PPP1R9A: variants seen among roughly 807,000 people sequenced by gnomAD.
PPP1R9A encodes neurabin-1.
Under a neutral mutation model 141.9 loss-of-function variants are expected in PPP1R9A, and 59 were observed. The ratio of observed to expected loss-of-function variants is 0.42; its 90% CI spans 0.34 to 0.52. The LOEUF (loss-of-function observed/expected upper bound fraction) is 0.52. Ranked by LOEUF, PPP1R9A falls within the 20% of genes least tolerant of loss-of-function variation. The probability of loss-of-function intolerance (pLI) is 0.10; values close to 1 mark genes in which losing one functional copy is unlikely to be tolerated. For synonymous variants in PPP1R9A, 500 were observed against 569.7 expected (o/e 0.88, Z 1.74); for missense variants, 1,444 against 1,611.9 (o/e 0.90, Z 1.78).
chr7:95,275,029 G>T (rs903625735), intron 16 of PPP1R9A, among the ~76,000 whole-genome samples: 1 of 152,146 alleles, frequency 6.6e-6, no homozygotes, highest in African/African-American at 2.4e-5. Context: ...ATAACAATTT[G>T]CTGCTATTGC....
intron 7 of PPP1R9A, among the ~76,000 whole-genome samples, chr7:95,214,823 T>A (rs1180879774): frequency 6.6e-6 from 1 of 152,172 alleles, no homozygotes; most frequent in African/African-American, 2.4e-5. Flanking sequence ...AGAATAATTT[T>A]TCAGCAATAT....
intron 2 of PPP1R9A, among the ~76,000 whole-genome samples, chr7:94,985,275 G>T (rs769546779): frequency 2.6e-5 from 4 of 152,188 alleles, no homozygotes; most frequent in Non-Finnish European, 4.4e-5. Flanking sequence ...AGTGCAATGT[G>T]ATGCTGAGAA....
chr7:95,131,057 G>A (rs10237987), intron 4 of PPP1R9A, among the ~76,000 whole-genome samples: 1,753 of 152,268 alleles, frequency 0.012, 30 homozygotes, highest in African/African-American at 0.041. Context: ...TGAAATGTCA[G>A]GACATGTGAT....
intron 4 of PPP1R9A, among the ~76,000 whole-genome samples, chr7:95,147,760 GT>G (rs1827905635): frequency 6.6e-6 from 1 of 152,156 alleles, no homozygotes; most frequent in Non-Finnish European, 1.5e-5. Context: ...TAATCATGTG[GT>G]TTTTGTCATT....
At chr7:94,977,908 A>G (rs854725) in intron 2 of PPP1R9A, among the ~76,000 whole-genome samples, 91,927 of 151,652 alleles carry the variant, frequency 0.61, 28,767 homozygotes, top group African/African-American at 0.74. Flanking sequence ...GACTACAGGC[A>G]CGTGCCACCA....
chr7:95,130,980 G>A (rs1044652635), intron 4 of PPP1R9A, among the ~76,000 whole-genome samples: 13 of 152,126 alleles, frequency 8.5e-5, no homozygotes, highest in Admixed American at 3.3e-4. Flanking sequence ...GTTGAACTGT[G>A]GACTTTTGAG....
intron 2 of PPP1R9A, among the ~76,000 whole-genome samples, chr7:95,090,821 G>GA (rs1237760463): frequency 2.0e-5 from 3 of 151,760 alleles, no homozygotes; most frequent in South Asian, 4.2e-4. Flanking sequence ...AAAAGAAAAA[G>GA]AAAAAAATCA....
chr7:95,233,431 G>T (rs1367390153), intron 8 of PPP1R9A, among the ~76,000 whole-genome samples: 1 of 151,970 alleles, frequency 6.6e-6, no homozygotes, highest in African/African-American at 2.4e-5. Flanking sequence ...TGGGTTGATG[G>T]GTGCAGCAGC....
chr7:95,063,107 T>G (rs1461769074), intron 2 of PPP1R9A, among the ~76,000 whole-genome samples: 1 of 152,200 alleles, frequency 6.6e-6, no homozygotes, highest in Non-Finnish European at 1.5e-5. Flanking sequence ...GGCAGGGAAT[T>G]GGTGGGCTGT....
At chr7:95,069,366 A>C (rs951742403) in intron 2 of PPP1R9A, among the ~76,000 whole-genome samples, 1 of 152,122 alleles carries the variant, frequency 6.6e-6, no homozygotes, top group Non-Finnish European at 1.5e-5. Context: ...AAAAATATTA[A>C]TACTAGTAAA....
At chr7:95,165,754 T>C (rs1215938956) in intron 5 of PPP1R9A, among the ~76,000 whole-genome samples, 3 of 152,102 alleles carry the variant, frequency 2.0e-5, no homozygotes, top group African/African-American at 2.4e-5. Context: ...GAGGAGAGTA[T>C]TAGTAAAAGC....
At position 95,086,881 on chromosome 7, in the gene PPP1R9A, G is replaced by C. The variant is rs368446224; in HGVS notation, c.1396-24378G>C. Among the ~76,000 whole-genome samples, 62 of 151,998 alleles carry C rather than the reference G, an allele frequency of 4.1e-4. No individual in the cohort carries two copies. The South Asian group carries it at 0.013, about 32-fold the overall frequency. On this transcript the variant is annotated intron_variant, in intron 2 of 19. Coordinates refer to ENST00000433360, the MANE Select transcript of PPP1R9A (RefSeq NM_001166160.2). ...TGAAATTCATGAAAATGCTATTTTG[G>C]TTCAGAAAAGAGAGTTTAGGTCGGG...
chr7:95,032,582 T>C (rs1383481483), intron 2 of PPP1R9A, among the ~76,000 whole-genome samples: 1 of 152,136 alleles, frequency 6.6e-6, no homozygotes, highest in East Asian at 1.9e-4. Flanking sequence ...CAATATATCT[T>C]ATTATATTCT....
chr7:95,274,226 C>A, intron 16 of PPP1R9A, 58 bp downstream of exon 16: 1 of 1,414,132 alleles, frequency 7.1e-7, no homozygotes, highest in Non-Finnish European at 9.5e-7. Flanking sequence ...CTGGCCCCCT[C>A]TTCTATTGTT....
At chr7:95,152,284 A>C (rs534571585) in intron 4 of PPP1R9A, among the ~76,000 whole-genome samples, 1 of 152,250 alleles carries the variant, frequency 6.6e-6, no homozygotes, top group Admixed American at 6.5e-5. Flanking sequence ...TAATCTCTTA[A>C]AATCCCTTAA....
At chr7:95,183,797 G>T (rs1321583383) in intron 5 of PPP1R9A, among the ~76,000 whole-genome samples, 1 of 151,774 alleles carries the variant, frequency 6.6e-6, no homozygotes, top group Non-Finnish European at 1.5e-5. Context: ...TCATTTCAAA[G>T]AACTAATGCC....
intron 4 of PPP1R9A, 103 bp downstream of exon 4, chr7:95,120,935 T>C (rs2152485494): frequency 1.4e-6 from 2 of 1,428,606 alleles, no homozygotes; most frequent in Non-Finnish European, 9.5e-7. Flanking sequence ...TTTTTTAGGA[T>C]AGAATTTCAG....
At chr7:95,231,294 G>A (rs956159046) in intron 8 of PPP1R9A, among the ~76,000 whole-genome samples, 1 of 152,144 alleles carries the variant, frequency 6.6e-6, no homozygotes, top group Non-Finnish European at 1.5e-5. Context: ...CACAATAATA[G>A]TGGGGGACTT....
chr7:95,083,129 G>T (rs1477496787), intron 2 of PPP1R9A, among the ~76,000 whole-genome samples: 1 of 151,876 alleles, frequency 6.6e-6, no homozygotes, highest in Admixed American at 6.6e-5. Flanking sequence ...CAAGAGAAAA[G>T]CATATATATT....
Sources: allele counts gnomAD v4.1 joint callset (sites outside exome capture counted in the v4.1 genomes callset), GRCh38; gene constraint gnomAD v4.1.1; transcripts MANE v1.5; gene names NCBI Gene and HGNC (gene_info 2026-07-23, HGNC 2026-07-21).